The following CAPS2 variants were observed in gnomAD, a reference collection of about 807,000 sequenced individuals.
The protein encoded by CAPS2 is calcyphosin-2.
In CAPS2, 98 loss-of-function variants were observed where a neutral mutation model predicts 86.5. The observed-to-expected ratio is 1.13, with a 90% CI of 0.96 to 1.34. CAPS2 has a LOEUF of 1.34. CAPS2 is among the 40% of genes most tolerant of loss of function. The pLI is 0.00. For synonymous variants in CAPS2, 210 were observed against 225.1 expected, an observed-to-expected ratio of 0.93 and a Z score of 0.60; for missense variants, 729 against 686.8, an observed-to-expected ratio of 1.06 and a Z score of -0.69.
intron 1 of CAPS2, among the ~76,000 whole-genome samples, chr12:75,339,556 A>G (rs1224405837): frequency 6.6e-6 from 1 of 152,108 alleles, no homozygotes; most frequent in Non-Finnish European, 1.5e-5. Context: ...GTTCACTCTG[A>G]TGATACTTTC....
intron 1 of CAPS2, chr12:75,363,018 G>A: frequency 1.6e-6 from 1 of 607,730 alleles, no homozygotes; most frequent in Non-Finnish European, 2.9e-6. Flanking sequence ...CTTAATAAAT[G>A]ACTAAAACAA....
intron 5 of CAPS2, among the ~76,000 whole-genome samples, chr12:75,319,933 GA>G (rs2040139679): frequency 6.6e-6 from 1 of 152,014 alleles, no homozygotes; most frequent in African/African-American, 2.4e-5. Context: ...GTATACATTT[GA>G]AAAGATATCA....
At chr12:75,349,187 C>T (rs1004932027) in intron 1 of CAPS2, among the ~76,000 whole-genome samples, 4 of 152,178 alleles carry the variant, frequency 2.6e-5, no homozygotes, top group African/African-American at 9.7e-5. Flanking sequence ...TAAGAGGACA[C>T]AGTTCTTGGC....
At chr12:75,318,852 AC>A (rs1324864445) in intron 5 of CAPS2, among the ~76,000 whole-genome samples, 1 of 151,996 alleles carries the variant, frequency 6.6e-6, no homozygotes, top group Non-Finnish European at 1.5e-5. Flanking sequence ...TCACTGACTT[AC>A]CCCCAGTGCC....
chr12:75,367,232 C>T (rs1411729534), intron 1 of CAPS2, among the ~76,000 whole-genome samples: 1 of 115,298 alleles, frequency 8.7e-6, no homozygotes, highest in African/African-American at 3.4e-5. Flanking sequence ...TACCTCTAAA[C>T]TAGAATTAGG....
At chr12:75,355,427 T>C (rs570408251) in intron 1 of CAPS2, among the ~76,000 whole-genome samples, 2 of 152,256 alleles carry the variant, frequency 1.3e-5, no homozygotes, top group African/African-American at 4.8e-5. Context: ...TTAGATACCA[T>C]CTCATGCCAG....
intron 1 of CAPS2, among the ~76,000 whole-genome samples, chr12:75,376,772 G>T (rs61932935): frequency 6.6e-6 from 1 of 151,962 alleles, no homozygotes; most frequent in East Asian, 1.9e-4. Context: ...GAGGCTGAGC[G>T]TGCACCTTTC....
upstream of CAPS2, among the ~76,000 whole-genome samples, chr12:75,326,812 G>A (rs2040828586): frequency 6.6e-6 from 1 of 152,092 alleles, no homozygotes; most frequent in African/African-American, 2.4e-5. Context: ...TTTTAAGATG[G>A]GGAGATTATC....
chr12:75,289,841 T>C (rs2035539712), intron 13 of CAPS2, 66 bp from the exon 14 acceptor site: 1 of 1,148,250 alleles, frequency 8.7e-7, no homozygotes, highest in Non-Finnish European at 1.2e-6. Flanking sequence ...GCCGCAGTTA[T>C]CTTTCATAAG....
intron 11 of CAPS2, among the ~76,000 whole-genome samples, chr12:75,296,237 G>A (rs975938016): frequency 1.3e-5 from 2 of 152,086 alleles, no homozygotes. Flanking sequence ...GTGTGCCTAA[G>A]GGTACAGTCT....
intron 1 of CAPS2, among the ~76,000 whole-genome samples, chr12:75,376,405 C>T (rs2044650605): frequency 6.6e-6 from 1 of 152,134 alleles, no homozygotes; most frequent in Non-Finnish European, 1.5e-5. Flanking sequence ...TGCACTTCTT[C>T]ATGGGTCACA....
Position 75,341,614 on chromosome 12 carries a change from T to A in CAPS2, c.-394-18392A>T, listed in dbSNP as rs927260899. Among the ~76,000 whole-genome samples, 5 of 151,854 alleles carry A rather than the reference T, an allele frequency of 3.3e-5. No individual in the cohort carries two copies. The South Asian group carries it at 8.3e-4, about 25-fold the overall frequency. ...GGCGCCCGCCACCACGCCCGCAGAATTTTTTGTATTTTTAGTGGAGACGCG... is the reference window on the plus strand; with the variant it reads ...GGCGCCCGCCACCACGCCCGCAGAAATTTTTGTATTTTTAGTGGAGACGCG... On this transcript the variant is annotated intron_variant, in intron 1 of 5. Coordinates refer to the CAPS2 transcript ENST00000551829.
At chr12:75,343,716 G>A in intron 1 of CAPS2, 1 of 1,609,990 alleles carries the variant, frequency 6.2e-7, no homozygotes. Context: ...GTTTAGCAAA[G>A]ATGGCTAAAG....
At chr12:75,355,325 A>C (rs2043082631) in intron 1 of CAPS2, among the ~76,000 whole-genome samples, 1 of 152,228 alleles carries the variant, frequency 6.6e-6, no homozygotes, top group Non-Finnish European at 1.5e-5. Context: ...ATGAACAGAC[A>C]CTTCTCAAAA....
intron 7 of CAPS2, among the ~76,000 whole-genome samples, chr12:75,309,076 C>T (rs1565865320): frequency 6.6e-6 from 1 of 152,066 alleles, no homozygotes; most frequent in Non-Finnish European, 1.5e-5. Flanking sequence ...GACTGCATAT[C>T]ACGCATGTAC....
At chr12:75,303,716 T>TA (rs1479447433) in intron 8 of CAPS2, among the ~76,000 whole-genome samples, 2 of 152,220 alleles carry the variant, frequency 1.3e-5, no homozygotes, top group Non-Finnish European at 2.9e-5. Context: ...GAATACATTA[T>TA]ATGGTAGAAG....
At chr12:75,285,043 C>T in exon 15 of CAPS2, 1 of 1,611,278 alleles carries the variant, frequency 6.2e-7, no homozygotes, top group Non-Finnish European at 8.5e-7. Context: ...CTTGCCATTG[C>T]CATTGTCATT....
chr12:75,342,991 A>C (rs1459170393), intron 1 of CAPS2, among the ~76,000 whole-genome samples: 2 of 151,878 alleles, frequency 1.3e-5, no homozygotes, highest in Non-Finnish European at 2.9e-5. Context: ...GTATCTTTCA[A>C]CTTTGATAAC....
At chr12:75,332,218 C>T (rs972430284), upstream of CAPS2, among the ~76,000 whole-genome samples, 1 of 152,152 alleles carries the variant, frequency 6.6e-6, no homozygotes, top group African/African-American at 2.4e-5. Context: ...GTTAATTTCT[C>T]TATACACTAA....
Sources: allele counts gnomAD v4.1 joint callset (sites outside exome capture counted in the v4.1 genomes callset), GRCh38; gene constraint gnomAD v4.1.1; transcripts MANE v1.5; gene names NCBI Gene and HGNC (gene_info 2026-07-23, HGNC 2026-07-21).